The following TMEM175 variants were observed in gnomAD, a reference collection of about 807,000 sequenced individuals.
TMEM175 encodes the protein transmembrane protein 175.
TMEM175 carries 36 observed loss-of-function variants against 36.5 expected under a neutral mutation model. That is an observed-to-expected ratio of 0.99 (90% CI 0.76 to 1.30). The LOEUF (loss-of-function observed/expected upper bound fraction) is 1.30. TMEM175 is among the 50% of genes most tolerant of loss of function. The pLI is 0.00. For missense variants in TMEM175, 705 were observed against 692.8 expected, an observed-to-expected ratio of 1.02 and a Z score of -0.20; for synonymous variants, 339 against 313.4, an observed-to-expected ratio of 1.08 and a Z score of -0.86.
chr4:946,137 C>G (rs1728109963), intron 1 of TMEM175: 1 of 152,806 alleles, frequency 6.5e-6, no homozygotes, highest in South Asian at 2.1e-4. Context: ...GTGGGCTCCC[C>G]CTTCTCCGTC....
At chr4:957,738 C>A in intron 10 of TMEM175, 86 bp from the exon 11 acceptor site, 1 of 1,354,756 alleles carries the variant, frequency 7.4e-7, no homozygotes, top group Non-Finnish European at 1.0e-6. Context: ...CAGATCCAGG[C>A]AGCCCTGACA....
intron 1 of TMEM175, among the ~76,000 whole-genome samples, chr4:935,015 A>C (rs1276345071): frequency 6.6e-6 from 1 of 152,228 alleles, no homozygotes; most frequent in African/African-American, 2.4e-5. Flanking sequence ...TAGGAAACCC[A>C]AGATTTAAGC....
chr4:940,164 G>A (rs990436307), intron 1 of TMEM175, among the ~76,000 whole-genome samples: 2 of 152,026 alleles, frequency 1.3e-5, no homozygotes, highest in Non-Finnish European at 2.9e-5. Flanking sequence ...AAAAAGAGCA[G>A]TAGGCCAGGC....
chr4:955,212 G>A (rs1729457553), intron 8 of TMEM175, among the ~76,000 whole-genome samples, 193 bp from the exon 9 acceptor site: 1 of 152,198 alleles, frequency 6.6e-6, no homozygotes, highest in African/African-American at 2.4e-5. Flanking sequence ...AAAGTGCTGG[G>A]ATTACAGGCA....
chr4:944,803 T>C (rs1395471099), intron 1 of TMEM175, among the ~76,000 whole-genome samples: 1 of 152,212 alleles, frequency 6.6e-6, no homozygotes, highest in African/African-American at 2.4e-5. Context: ...TTTAGTTTTA[T>C]TGTTAAAACA....
chr4:956,195 C>A (rs2153005196), intron 10 of TMEM175: 1 of 832,590 alleles, frequency 1.2e-6, no homozygotes. Context: ...CTCAGAGGGG[C>A]TCAGCAGCCA....
chr4:942,134 C>T (rs1727596072), intron 1 of TMEM175, among the ~76,000 whole-genome samples: 1 of 151,742 alleles, frequency 6.6e-6, no homozygotes. Flanking sequence ...TCTCGGCTCA[C>T]TGCAACCTCC....
intron 1 of TMEM175, among the ~76,000 whole-genome samples, chr4:941,950 G>T (rs1337798301): frequency 6.6e-6 from 1 of 151,934 alleles, no homozygotes; most frequent in African/African-American, 2.4e-5. Flanking sequence ...ATTTTCTCCG[G>T]CATCATCTTC....
chr4:937,337 G>A (rs1726908335), intron 1 of TMEM175, among the ~76,000 whole-genome samples: 1 of 152,150 alleles, frequency 6.6e-6, no homozygotes, highest in Non-Finnish European at 1.5e-5. Flanking sequence ...GCCGAGGCAG[G>A]TGGATCACCT....
chr4:939,664 T>C (rs1727202004), intron 1 of TMEM175, among the ~76,000 whole-genome samples: 1 of 152,106 alleles, frequency 6.6e-6, no homozygotes, highest in East Asian at 1.9e-4. Flanking sequence ...TGCAGTAAGC[T>C]GAGATCATGC....
In TMEM175 at chr4:955,903, C is replaced by A; in HGVS notation, c.842+13C>A. The A allele has an allele frequency of 6.2e-7, 1 of 1,609,226 alleles. No homozygotes were observed. The highest frequency in any genetic ancestry group is 8.5e-7 in the Non-Finnish European group (1 of 1,176,216). On this transcript the variant is annotated intron_variant, in intron 10 of 10. Coordinates refer to ENST00000264771, the MANE Select transcript of TMEM175 (RefSeq NM_032326.4). ...TCCTGGACATCTGGTGAGGACCCCG[C>A]GTCACCTGCCCCAGCTATCAGGTGG...
rs375359991 is a variant in TMEM175 at position 950,489 on chromosome 4, C to T, written c.261C>T (p.Ile87=). The T allele has an allele frequency of 1.3e-4, 216 of 1,614,074 alleles. No homozygotes were observed. Among genetic ancestry groups the T allele is most frequent in the African/African-American group, 7.2e-4 (54 of 75,054 alleles). Residue 87 remains isoleucine (I), a synonymous_variant, in exon 4 of 11, where the codon ATC becomes ATT. Transcript: ENST00000264771. The part of the protein sequence containing the change: ...RIAVYLMTFL[I]VTVAWAAHTR... Reference sequence around the variant, plus strand: ...CCGTCTACCTGATGACCTTTCTCATCGTGACAGTGGCCTGGGCAGCACACA... The same window carrying T: ...CCGTCTACCTGATGACCTTTCTCATTGTGACAGTGGCCTGGGCAGCACACA...
At chr4:951,531 G>C in intron 5 of TMEM175, 151 bp from the exon 6 acceptor site, 1 of 994,678 alleles carries the variant, frequency 1.0e-6, no homozygotes, top group Non-Finnish European at 1.5e-6. Flanking sequence ...CCCCCATCTG[G>C]CCCTGCAGGG....
chr4:953,447 C>T, intron 8 of TMEM175, 93 bp downstream of exon 8: 1 of 1,432,466 alleles, frequency 7.0e-7, no homozygotes, highest in Non-Finnish European at 9.3e-7. Flanking sequence ...GGGGTGGGGG[C>T]AGAGCGCAGA....
intron 1 of TMEM175, among the ~76,000 whole-genome samples, chr4:938,941 A>G (rs1727114296): frequency 6.6e-6 from 1 of 152,246 alleles, no homozygotes; most frequent in Non-Finnish European, 1.5e-5. Flanking sequence ...AAGATTGAAC[A>G]AGGACAAGAC....
At chr4:939,435 G>A (rs1018269044) in intron 1 of TMEM175, among the ~76,000 whole-genome samples, 2 of 151,636 alleles carry the variant, frequency 1.3e-5, no homozygotes, top group Admixed American at 6.6e-5. Flanking sequence ...ACAAAAATTA[G>A]CTGAGCGCAA....
chr4:947,866 C>T lies in TMEM175; in HGVS notation c.127C>T (p.Leu43=), dbSNP rs1728379124. ...ACGCATGCTCAGCTTCAGTGACGCCCTGCTGTCCATCATCGCCACCGTCAT... is the reference window on the plus strand; with the variant it reads ...ACGCATGCTCAGCTTCAGTGACGCCTTGCTGTCCATCATCGCCACCGTCAT... ...SQRMLSFSDA[L]LSIIATVMIL... is the part of the protein sequence containing the mutation. Residue 43 remains leucine, a synonymous_variant, in exon 2 of 11, where the codon CTG becomes TTG. Transcript: ENST00000264771. 6 of 1,613,728 alleles carry T rather than the reference C, an allele frequency of 3.7e-6. No homozygotes were observed. The highest frequency in any genetic ancestry group is 5.1e-6 in the Non-Finnish European group (6 of 1,180,022).
At chr4:937,849 G>A (rs143074492) in intron 1 of TMEM175, among the ~76,000 whole-genome samples, 5 of 152,290 alleles carry the variant, frequency 3.3e-5, no homozygotes, top group East Asian at 1.9e-4. Flanking sequence ...CACCGTGACC[G>A]AGTGGGATAT....
intron 1 of TMEM175, among the ~76,000 whole-genome samples, chr4:939,998 C>T (rs1560473309): frequency 6.6e-6 from 1 of 152,078 alleles, no homozygotes; most frequent in Non-Finnish European, 1.5e-5. Context: ...CATAGGGTAG[C>T]ATTCAATAAT....
Sources: gnomAD v4.1 joint callset for allele counts (sites outside exome capture counted in the v4.1 genomes callset) on GRCh38, gnomAD v4.1.1 for gene constraint, MANE v1.5 for transcripts, NCBI Gene and HGNC (gene_info 2026-07-23, HGNC 2026-07-21) for gene names.